Variants in WASF3 observed in about 807,000 individuals in gnomAD.
WASF3 encodes the protein actin-binding protein WASF3.
In WASF3, 11 loss-of-function variants were observed where a neutral mutation model predicts 46.6. That is an observed-to-expected ratio of 0.24 (90% confidence interval 0.15 to 0.39). WASF3 has a LOEUF of 0.39. Among genes scored for constraint, WASF3 ranks in the 10% least tolerant of loss-of-function variants. WASF3 has a pLI of 1.00. For missense variants in WASF3, 576 were observed against 669.8 expected, an observed-to-expected ratio of 0.86 and a Z score of 1.55; for synonymous variants, 242 against 259.7, an observed-to-expected ratio of 0.93 and a Z score of 0.65.
intron 2 of WASF3, among the ~76,000 whole-genome samples, chr13:26,630,621 C>T (rs772546614): frequency 6.4e-4 from 98 of 152,152 alleles, no homozygotes; most frequent in Non-Finnish European, 1.2e-3. Context: ...AGTAAACATA[C>T]GTGTACATGT....
intron 1 of WASF3, among the ~76,000 whole-genome samples, chr13:26,579,890 TAAATC>T (rs1374199719): frequency 6.6e-6 from 1 of 152,230 alleles, no homozygotes; most frequent in Non-Finnish European, 1.5e-5. Flanking sequence ...TCTGAAACCT[TAAATC>T]AAGCTTGTCC....
At chr13:26,596,082 T>TA (rs1880451445) in intron 1 of WASF3, among the ~76,000 whole-genome samples, 1 of 151,760 alleles carries the variant, frequency 6.6e-6, no homozygotes, top group Admixed American at 6.6e-5. Context: ...TGTACTATTT[T>TA]ACATTTTCAC....
intron 7 of WASF3, chr13:26,680,284 G>C: frequency 6.9e-7 from 1 of 1,439,310 alleles, no homozygotes; most frequent in Non-Finnish European, 9.2e-7. Context: ...AGCCCCTCCT[G>C]GCCACATGTC....
intron 3 of WASF3, among the ~76,000 whole-genome samples, chr13:26,647,690 T>G (rs1882190646): frequency 6.6e-6 from 1 of 152,038 alleles, no homozygotes; most frequent in Admixed American, 6.6e-5. Context: ...TAATAGCTGT[T>G]TTTCGCTCCT....
chr13:26,634,812 G>A (rs1881767468), intron 2 of WASF3, among the ~76,000 whole-genome samples: 1 of 152,130 alleles, frequency 6.6e-6, no homozygotes, highest in African/African-American at 2.4e-5. Flanking sequence ...TTGAATATTG[G>A]CCCCCATTCT....
chr13:26,590,808 G>T (rs1880268830), intron 1 of WASF3, among the ~76,000 whole-genome samples: 1 of 152,166 alleles, frequency 6.6e-6, no homozygotes, highest in Non-Finnish European at 1.5e-5. Context: ...AAAAATCCCT[G>T]CCCTCACAAA....
rs746066711 is a variant in WASF3 at position 26,679,484 on chromosome 13, A to C, written c.717-1570A>C. Reference sequence around the variant, plus strand: ...TGCTTCCTTTCTACCCTGTGTTGCAAGGCTCCTTGATAGGGATCGCCCTCC... The same window carrying C: ...TGCTTCCTTTCTACCCTGTGTTGCACGGCTCCTTGATAGGGATCGCCCTCC... On this transcript the variant is annotated intron_variant, in intron 7 of 9. Transcript: ENST00000335327. This position sits in a 1 kb window ranked among gnomAD's most constrained non-coding sequence, Gnocchi z 4.8. 2.6e-5 allele frequency among the ~76,000 whole-genome samples: 4 copies of C among 152,046 alleles called. No homozygotes were observed. Among genetic ancestry groups the C allele is most frequent in the Non-Finnish European group, 5.9e-5 (4 of 68,012 alleles).
In WASF3 at chr13:26,656,467, CA is replaced by C. The variant is rs1311920349; in HGVS notation, c.134-8560del. ...TGTCACTCAGTTACTAAAAATAATT[CA>C]TTATTCAAAAAATAACATATAATTT... is the stretch of plus-strand genomic sequence containing the variant. On this transcript the variant is annotated intron_variant, in intron 3 of 9. Coordinates refer to ENST00000335327, the MANE Select transcript of WASF3 (RefSeq NM_006646.6). Among the ~76,000 whole-genome samples, 3 of 152,028 alleles carry C rather than the reference CA, an allele frequency of 2.0e-5. No homozygotes were observed. In the South Asian group the frequency reaches 6.2e-4, roughly 32 times the overall value.
At chr13:26,632,472 G>A (rs747414426) in intron 2 of WASF3, among the ~76,000 whole-genome samples, 4 of 152,122 alleles carry the variant, frequency 2.6e-5, no homozygotes, top group Admixed American at 6.6e-5. Context: ...GATGGATTAC[G>A]TTTATTGATT....
chr13:26,564,739 T>G (rs1879404887), intron 1 of WASF3, among the ~76,000 whole-genome samples: 1 of 152,162 alleles, frequency 6.6e-6, no homozygotes. Flanking sequence ...CAACAAGTAT[T>G]TTTACATTGA....
At position 26,578,405 on chromosome 13, in the gene WASF3, C is replaced by T. The variant is rs146065882; in HGVS notation, c.-109+20586C>T. ...TAAATTGTTCGTAATTCAGTCATGC[C>T]CTGTCACCTTTGGCCTAGTTAGAAC... On this transcript the variant is annotated intron_variant, in intron 1 of 9. Coordinates refer to ENST00000335327, the MANE Select transcript of WASF3 (RefSeq NM_006646.6). 9.5e-4 allele frequency among the ~76,000 whole-genome samples: 145 copies of T among 152,176 alleles called. 1 individual carries two copies. Among genetic ancestry groups the T allele is most frequent in the African/African-American group, 3.4e-3 (141 of 41,522 alleles).
chr13:26,621,468 A>T (rs544891804), intron 2 of WASF3, among the ~76,000 whole-genome samples: 49 of 151,650 alleles, frequency 3.2e-4, no homozygotes, highest in Non-Finnish European at 5.4e-4. Flanking sequence ...GCCCACCCTG[A>T]TGAAGAAACT....
chr13:26,622,827 T>C (rs1032312324), intron 2 of WASF3: 3 of 152,188 alleles, frequency 2.0e-5, no homozygotes, highest in African/African-American at 2.4e-5. Context: ...AAAATAGTTA[T>C]CAGCTCAATG....
At chr13:26,571,167 T>G (rs1413550129) in intron 1 of WASF3, among the ~76,000 whole-genome samples, 3 of 152,220 alleles carry the variant, frequency 2.0e-5, no homozygotes, top group African/African-American at 7.2e-5. Flanking sequence ...AGTTTTTCTT[T>G]GCCTTAGGAA....
In WASF3 at chr13:26,644,627, G is replaced by A. The variant is rs192788269; in HGVS notation, c.133+2224G>A. On this transcript the variant is annotated intron_variant, in intron 3 of 9. Coordinates refer to ENST00000335327, the MANE Select transcript of WASF3 (RefSeq NM_006646.6). Reference sequence around the variant, plus strand: ...CCATGTGTCTGGATGGAAAAGATGAGCTGGGTGAGTCAGATCCTTTCAGGA... The same window carrying A: ...CCATGTGTCTGGATGGAAAAGATGAACTGGGTGAGTCAGATCCTTTCAGGA... 2.7e-3 allele frequency among the ~76,000 whole-genome samples: 414 copies of A among 152,294 alleles called. 2 individuals are homozygous for A. The highest frequency in any genetic ancestry group is 9.3e-3 in the African/African-American group (386 of 41,560).
chr13:26,644,942 G>C (rs1287754255), intron 3 of WASF3, among the ~76,000 whole-genome samples: 1 of 152,158 alleles, frequency 6.6e-6, no homozygotes, highest in Non-Finnish European at 1.5e-5. Context: ...GCAGGGCTTG[G>C]GTGTCCTCAC....
upstream of WASF3, among the ~76,000 whole-genome samples, chr13:26,553,583 C>T (rs1311891539): frequency 1.3e-5 from 2 of 151,854 alleles, no homozygotes; most frequent in South Asian, 2.1e-4. Flanking sequence ...TTTGGGAGGC[C>T]GAGGCGGGCG....
At chr13:26,637,710 C>T (rs963740680) in intron 2 of WASF3, among the ~76,000 whole-genome samples, 1 of 152,182 alleles carries the variant, frequency 6.6e-6, no homozygotes, top group African/African-American at 2.4e-5. Flanking sequence ...TGAAAGGTAT[C>T]CCTTCATTTG....
intron 2 of WASF3, among the ~76,000 whole-genome samples, chr13:26,619,749 C>T (rs7331436): frequency 0.2 from 30,675 of 152,052 alleles, 3,279 homozygotes; most frequent in South Asian, 0.27. Flanking sequence ...TAAACCACCT[C>T]CTTCCTTTTT....
Sources: gnomAD v4.1 joint callset for allele counts (sites outside exome capture counted in the v4.1 genomes callset) on GRCh38, gnomAD v4.1.1 for gene constraint, Gnocchi (gnomAD v3.1) non-coding constraint, MANE v1.5 for transcripts, NCBI Gene and HGNC (gene_info 2026-07-23, HGNC 2026-07-21) for gene names.